GPCPD1: variants seen among roughly 807,000 people sequenced by gnomAD.
The protein encoded by GPCPD1 is glycerophosphocholine phosphodiesterase 1.
Under a neutral mutation model 89.2 loss-of-function variants are expected in GPCPD1, and 29 were observed. The observed-to-expected ratio is 0.33, with a 90% CI of 0.24 to 0.44. The LOEUF (loss-of-function observed/expected upper bound fraction) is 0.44, where lower values mean the gene tolerates loss of function less well. Ranked by LOEUF, GPCPD1 falls within the 20% of genes least tolerant of loss-of-function variation. The probability of loss-of-function intolerance (pLI) is 1.00; values close to 1 mark genes in which losing one functional copy is unlikely to be tolerated. For synonymous variants in GPCPD1, 258 were observed against 266.3 expected (o/e 0.97, Z 0.30); for missense variants, 594 against 808.9 (o/e 0.73, Z 3.22).
At position 5,575,996 on chromosome 20, in the gene GPCPD1, A is replaced by G. The variant is rs1360403354; in HGVS notation, c.706-18T>C. On this transcript the variant is annotated intron_variant, in intron 8 of 19. Transcript: ENST00000379019. ...AGATCTTCCTGAAAAAATGAGATTT[A>G]AAATAATCTTAATTTTTAAACTTCT... is the stretch of plus-strand genomic sequence containing the variant. 1.3e-6 allele frequency: 2 copies of G among 1,498,564 alleles called. No homozygotes were observed. The highest frequency in any genetic ancestry group is 2.8e-5 in the African/African-American group (2 of 71,804). The allele number at this position is 1,498,564 out of a possible 1,614,324, so 92.8% of individuals were successfully genotyped here. A position where few individuals can be genotyped will look rare whatever the true frequency, so the allele number is the denominator to read the frequency against.
intron 19 of GPCPD1, among the ~76,000 whole-genome samples, chr20:5,556,331 G>A (rs980618280): frequency 6.6e-6 from 1 of 151,860 alleles, no homozygotes; most frequent in Admixed American, 6.6e-5. Context: ...CCTCAGCCCC[G>A]AGCAGCTAGG....
intron 11 of GPCPD1, among the ~76,000 whole-genome samples, chr20:5,573,282 C>T (rs1451703699): frequency 6.6e-6 from 1 of 152,100 alleles, no homozygotes; most frequent in Admixed American, 6.5e-5. Context: ...GGCTGGGTTT[C>T]ACCATGTTGG....
rs1985028041 is a variant in GPCPD1 at position 5,546,433 on chromosome 20, A to G, written c.*1228T>C. On this transcript the variant is annotated 3_prime_UTR_variant, in exon 20 of 20. Transcript: ENST00000379019. The stretch of plus-strand genomic sequence containing the variant: ...TGTCATATTATAAAACCATTCTACA[A>G]AAGTAACACCTTCTTGAAATTTCAT... 6.6e-6 allele frequency: 1 copy of G among 152,228 alleles called. No individual in the cohort carries two copies. The highest frequency in any genetic ancestry group is 2.1e-4 in the South Asian group (1 of 4,832). The allele number at this position is 152,228 out of a possible 1,614,324, so 9.4% of individuals were successfully genotyped here.
At chr20:5,597,214 A>C (rs1979794078) in intron 3 of GPCPD1, among the ~76,000 whole-genome samples, 1 of 152,254 alleles carries the variant, frequency 6.6e-6, no homozygotes. Flanking sequence ...TACTAGTGAC[A>C]AACTAGAAAA....
rs1369411605 is a variant in GPCPD1, at chr20:5,575,425, G to A, written c.989C>T (p.Thr330Ile). ...DVGHRGAGNS[T>I]TTAQLAKVQE... is the part of the protein sequence containing the mutation. ...ATATTCAACTTACTGGGCAGTTGTT[G>A]TAGAGTTTCCTGCACCTCGATGGCC... is the stretch of plus-strand genomic sequence containing the variant. The change falls in exon 10 of 20, where the codon ACA (threonine) becomes ATA (isoleucine). Residue 330 changes from threonine (T) to isoleucine (I), a missense_variant. Transcript: ENST00000379019. The A allele has an allele frequency of 2.5e-6, 4 of 1,608,648 alleles. No homozygotes were observed. Among genetic ancestry groups the A allele is most frequent in the Non-Finnish European group, 3.4e-6 (4 of 1,176,342 alleles).
At chr20:5,574,970 A>G (rs1361852017) in intron 10 of GPCPD1, among the ~76,000 whole-genome samples, 1 of 152,192 alleles carries the variant, frequency 6.6e-6, no homozygotes. Flanking sequence ...CTACAATCTA[A>G]TGTCTGTTGA....
intron 15 of GPCPD1, among the ~76,000 whole-genome samples, chr20:5,564,721 C>T (rs919259328): frequency 6.6e-6 from 1 of 151,986 alleles, no homozygotes; most frequent in South Asian, 2.1e-4. Context: ...ACTGCAGTTC[C>T]AGCTATTTGA....
At chr20:5,601,301 G>A (rs1980118395) in intron 2 of GPCPD1, among the ~76,000 whole-genome samples, 1 of 150,576 alleles carries the variant, frequency 6.6e-6, no homozygotes, top group South Asian at 2.1e-4. Flanking sequence ...CCAGGAGTTT[G>A]AGGAGCTATG....
chr20:5,601,084 G>T (rs908199395), intron 2 of GPCPD1, among the ~76,000 whole-genome samples: 2 of 151,888 alleles, frequency 1.3e-5, no homozygotes, highest in African/African-American at 2.4e-5. Flanking sequence ...GGAGGCTGAG[G>T]AATGAGAATC....
intron 14 of GPCPD1, 56 bp downstream of exon 14, chr20:5,566,677 A>G (rs1986408931): frequency 1.9e-6 from 2 of 1,035,512 alleles, no homozygotes; most frequent in Non-Finnish European, 3.0e-6. Flanking sequence ...TCGATTTTAA[A>G]AATCCTATTA....
At position 5,547,371 on chromosome 20, in the gene GPCPD1, T is replaced by C. The variant is rs1219064432; in HGVS notation, c.*290A>G. 5.8e-6 allele frequency: 1 copy of C among 172,808 alleles called. No homozygotes were observed. The highest frequency in any genetic ancestry group is 1.2e-5 in the Non-Finnish European group (1 of 81,964). 10.7% of individuals were successfully genotyped at this position (172,808 alleles called of 1,614,324 possible). The stretch of plus-strand genomic sequence containing the variant: ...TTATATAGTTAATTTCAAAGTGCTA[T>C]GCTTTTAATGAACATATGTTTAACA... On this transcript the variant is annotated 3_prime_UTR_variant, in exon 20 of 20. Transcript: ENST00000379019.
rs960334061 is a variant in GPCPD1, at chr20:5,578,280, A to G, written c.705+100T>C. ...CAGAAGAGCATACCTCTAAAAAGTT[A>G]GCTTTACACAAATTAGATTAAAATG... is the stretch of plus-strand genomic sequence containing the variant. On this transcript the variant is annotated intron_variant, in intron 8 of 19. Transcript: ENST00000379019. 11 of 753,496 alleles carry G rather than the reference A, an allele frequency of 1.5e-5. No individual in the cohort carries two copies. In the African/African-American group the frequency reaches 1.9e-4, roughly 13 times the overall value. The allele number at this position is 753,496 out of a possible 1,614,324, so 46.7% of individuals were successfully genotyped here. A position where few individuals can be genotyped will look rare whatever the true frequency, so the allele number is the denominator to read the frequency against.
At chr20:5,557,559 AG>A (rs1985844047) in intron 19 of GPCPD1, among the ~76,000 whole-genome samples, 1 of 152,190 alleles carries the variant, frequency 6.6e-6, no homozygotes, top group African/African-American at 2.4e-5. Flanking sequence ...TGGAAATAAA[AG>A]TCTACAGAGG....
intron 12 of GPCPD1, among the ~76,000 whole-genome samples, chr20:5,569,752 T>A (rs903468724): frequency 6.6e-6 from 1 of 152,186 alleles, no homozygotes; most frequent in African/African-American, 2.4e-5. Context: ...AAACCTCTTT[T>A]TGAATTTTTC....
Position 5,575,642 on chromosome 20 carries a change from T to A in GPCPD1, c.869-97A>T. 3 of 922,846 alleles carry A rather than the reference T, an allele frequency of 3.3e-6. No individual in the cohort carries two copies. In the South Asian group the frequency reaches 5.1e-5, roughly 16 times the overall value. 57.2% of individuals were successfully genotyped at this position (922,846 alleles called of 1,614,324 possible). ...TTAAATACCACTCAAGTCAGCTTTA[T>A]CAGTTTCTGTCAAACGGAAAAAAAA... On this transcript the variant is annotated intron_variant, in intron 9 of 19. Coordinates refer to ENST00000379019, the MANE Select transcript of GPCPD1 (RefSeq NM_019593.5).
chr20:5,579,271 T>G (rs1374648797), intron 7 of GPCPD1, among the ~76,000 whole-genome samples: 1 of 152,170 alleles, frequency 6.6e-6, no homozygotes, highest in Non-Finnish European at 1.5e-5. Context: ...CAAGACACAA[T>G]AAAATTTAGA....
chr20:5,583,530 TG>T (rs1449609800), intron 6 of GPCPD1, among the ~76,000 whole-genome samples: 7 of 151,852 alleles, frequency 4.6e-5, no homozygotes, highest in African/African-American at 1.5e-4. Context: ...CCTGGGCGGG[TG>T]GGGGTAAGAA....
chr20:5,584,763 T>C lies in GPCPD1; in HGVS notation c.308-441A>G, dbSNP rs1182484915. On this transcript the variant is annotated intron_variant, in intron 5 of 19. Transcript: ENST00000379019. ...AATGTAATTCTCCTCATATCCCAAC[T>C]ATTCACTACTGCCAGTTAAAAGCTT... The C allele has an allele frequency of 9.8e-5, 15 of 153,368 alleles. No homozygotes were observed. In the South Asian group the frequency reaches 1.4e-3, roughly 15 times the overall value. The allele number at this position is 153,368 out of a possible 1,614,324, so 9.5% of individuals were successfully genotyped here. A position where few individuals can be genotyped will look rare whatever the true frequency, so the allele number is the denominator to read the frequency against.
chr20:5,591,148 T>C (rs1376953616), intron 4 of GPCPD1, among the ~76,000 whole-genome samples: 2 of 152,244 alleles, frequency 1.3e-5, no homozygotes, highest in Non-Finnish European at 2.9e-5. Flanking sequence ...GTGTGCTATG[T>C]TCAAATAAGA....
Sources: gnomAD v4.1 joint callset for allele counts (sites outside exome capture counted in the v4.1 genomes callset) on GRCh38, gnomAD v4.1.1 for gene constraint, MANE v1.5 for transcripts, NCBI Gene and HGNC (gene_info 2026-07-23, HGNC 2026-07-21) for gene names.